COL26A1: variants seen among roughly 807,000 people sequenced by gnomAD.
COL26A1 encodes collagen alpha-1(XXVI) chain.
Under a neutral mutation model 59.3 loss-of-function variants are expected in COL26A1, and 41 were observed. That is an observed-to-expected ratio of 0.69 (90% CI 0.54 to 0.90). The LOEUF is 0.90. Ranked by LOEUF, COL26A1 falls within the 40% of genes least tolerant of loss-of-function variation. COL26A1 has a pLI of 0.00. For synonymous variants in COL26A1, 266 were observed against 256.0 expected (o/e 1.04, Z -0.37); for missense variants, 612 against 602.3 (o/e 1.02, Z -0.17).
chr7:101,374,111 G>A (rs972684515), intron 1 of COL26A1, among the ~76,000 whole-genome samples: 3 of 152,202 alleles, frequency 2.0e-5, no homozygotes, highest in East Asian at 1.9e-4. Context: ...ACATACACAT[G>A]CCGTGCTGTT....
rs552487534 is a variant in COL26A1 at position 101,465,101 on chromosome 7, G to A, written c.385+17314G>A. 7.4e-5 allele frequency among the ~76,000 whole-genome samples: 11 copies of A among 149,548 alleles called. No individual in the cohort carries two copies. In the South Asian group the frequency reaches 1.1e-3, roughly 14 times the overall value. On this transcript the variant is annotated intron_variant, in intron 3 of 12. Transcript: ENST00000313669. ...TGCCCAGGCTGGAATGTGGTAGTGCGACGATAGCTCACTGCAGCCTTGAAC... is the reference window on the plus strand; with the variant it reads ...TGCCCAGGCTGGAATGTGGTAGTGCAACGATAGCTCACTGCAGCCTTGAAC...
At chr7:101,364,388 T>C (rs1437327567) in intron 1 of COL26A1, among the ~76,000 whole-genome samples, 1 of 152,098 alleles carries the variant, frequency 6.6e-6, no homozygotes, top group Non-Finnish European at 1.5e-5. Flanking sequence ...TTGCCCAGGC[T>C]TGTCGCAAAC....
chr7:101,500,329 G>A (rs547266507), intron 3 of COL26A1, among the ~76,000 whole-genome samples: 47 of 152,268 alleles, frequency 3.1e-4, no homozygotes, highest in African/African-American at 1.1e-3. Flanking sequence ...CTTTCTCTTT[G>A]GAGGGACACC....
intron 3 of COL26A1, among the ~76,000 whole-genome samples, chr7:101,527,766 G>A (rs1007720520): frequency 6.6e-6 from 1 of 151,614 alleles, no homozygotes; most frequent in Non-Finnish European, 1.5e-5. Context: ...TAGACGCTGG[G>A]AAAGGCACTG....
In COL26A1 at chr7:101,512,663, T is replaced by C. The variant is rs140343245; in HGVS notation, c.386-20419T>C. 2.3e-3 allele frequency among the ~76,000 whole-genome samples: 355 copies of C among 152,226 alleles called. 1 individual carries two copies. The highest frequency in any genetic ancestry group is 8.2e-3 in the African/African-American group (342 of 41,546). ...AACCTTGGCCTCTACTTCCCACAAATTGGCCCTACCTCTGTGACCACCAAA... is the reference window on the plus strand; with the variant it reads ...AACCTTGGCCTCTACTTCCCACAAACTGGCCCTACCTCTGTGACCACCAAA... On this transcript the variant is annotated intron_variant, in intron 3 of 12. Transcript: ENST00000313669.
intron 3 of COL26A1, among the ~76,000 whole-genome samples, chr7:101,468,778 T>C (rs929766174): frequency 4.6e-5 from 7 of 152,006 alleles, no homozygotes; most frequent in African/African-American, 1.5e-4. Context: ...TTCCACTTCT[T>C]CTCTGGCCAT....
At chr7:101,379,859 A>G (rs1427089612) in intron 1 of COL26A1, among the ~76,000 whole-genome samples, 1 of 152,228 alleles carries the variant, frequency 6.6e-6, no homozygotes, top group Non-Finnish European at 1.5e-5. Flanking sequence ...TTATGGTCTA[A>G]AAAGGGAAGG....
At chr7:101,495,843 C>T (rs1408308065) in intron 3 of COL26A1, among the ~76,000 whole-genome samples, 1 of 151,440 alleles carries the variant, frequency 6.6e-6, no homozygotes, top group African/African-American at 2.4e-5. Context: ...CCTGTAAGCC[C>T]AGCACTTTGG....
chr7:101,397,781 T>C (rs1791895413), intron 1 of COL26A1, among the ~76,000 whole-genome samples: 1 of 152,082 alleles, frequency 6.6e-6, no homozygotes, highest in Admixed American at 6.6e-5. Flanking sequence ...CAAGCAGTCT[T>C]CCCACCTCAG....
chr7:101,463,099 A>T (rs763011386), intron 3 of COL26A1, among the ~76,000 whole-genome samples: 1 of 152,168 alleles, frequency 6.6e-6, no homozygotes, highest in Non-Finnish European at 1.5e-5. Flanking sequence ...GTCCTGACCT[A>T]AGCTTACCTT....
At chr7:101,556,973 A>G (rs373783746) in intron 12 of COL26A1, among the ~76,000 whole-genome samples, 3 of 148,834 alleles carry the variant, frequency 2.0e-5, no homozygotes, top group East Asian at 2.1e-4. Flanking sequence ...GGGTGGGTGG[A>G]TAAGTGAGTG....
chr7:101,496,377 C>G (rs1170376178), intron 3 of COL26A1, among the ~76,000 whole-genome samples: 3 of 152,190 alleles, frequency 2.0e-5, no homozygotes, highest in African/African-American at 7.2e-5. Context: ...CATAGCGTCA[C>G]TAAATGAGGA....
At position 101,497,291 on chromosome 7, in the gene COL26A1, G is replaced by A. The variant is rs191675515; in HGVS notation, c.386-35791G>A. ...AAACATGACATGTGACCCAGGGAGC[G>A]GGAGGCTCCTCCTGTGTCAAGTTCA... On this transcript the variant is annotated intron_variant, in intron 3 of 12. Transcript: ENST00000313669. 3.0e-3 allele frequency among the ~76,000 whole-genome samples: 450 copies of A among 152,258 alleles called. 1 individual carries two copies. The highest frequency in any genetic ancestry group is 0.01 in the Middle Eastern group (3 of 294).
intron 1 of COL26A1, among the ~76,000 whole-genome samples, chr7:101,391,315 T>A (rs1791723697): frequency 6.6e-6 from 1 of 152,132 alleles, no homozygotes; most frequent in Admixed American, 6.5e-5. Flanking sequence ...TCTATTTTTT[T>A]TATTTTTTTT....
At chr7:101,507,116 C>T (rs1420000217) in intron 3 of COL26A1, among the ~76,000 whole-genome samples, 1 of 152,090 alleles carries the variant, frequency 6.6e-6, no homozygotes, top group East Asian at 1.9e-4. Flanking sequence ...AGTTTCACCA[C>T]GTTGGCCAGG....
At chr7:101,420,157 C>T in intron 2 of COL26A1, 58 bp downstream of exon 2, 1 of 1,597,786 alleles carries the variant, frequency 6.3e-7, no homozygotes, top group Non-Finnish European at 8.5e-7. Context: ...CGGACAAAAC[C>T]AGTCCCAGGA....
intron 3 of COL26A1, among the ~76,000 whole-genome samples, chr7:101,460,081 C>T (rs905154413): frequency 3.3e-4 from 50 of 152,124 alleles, no homozygotes; most frequent in Non-Finnish European, 6.9e-4. Flanking sequence ...TGAGACTTGC[C>T]TTCCATAGCT....
At chr7:101,385,361 A>G (rs1003009109) in intron 1 of COL26A1, among the ~76,000 whole-genome samples, 41 of 136,608 alleles carry the variant, frequency 3.0e-4, no homozygotes, top group Middle Eastern at 3.6e-3. Flanking sequence ...GTGTATATAT[A>G]TGTGTGTATA....
chr7:101,378,225 C>T (rs1353289350), intron 1 of COL26A1, among the ~76,000 whole-genome samples: 2 of 151,948 alleles, frequency 1.3e-5, no homozygotes, highest in Non-Finnish European at 2.9e-5. Context: ...ACTAAAAATA[C>T]AAAAATTAGC....
Sources: allele counts gnomAD v4.1 joint callset (sites outside exome capture counted in the v4.1 genomes callset), GRCh38; gene constraint gnomAD v4.1.1; transcripts MANE v1.5; gene names NCBI Gene and HGNC (gene_info 2026-07-23, HGNC 2026-07-21).